Variants in ZFR2 observed in about 807,000 individuals in gnomAD.
ZFR2 encodes the protein zinc finger RNA-binding protein 2.
In ZFR2, 104 loss-of-function variants were observed where a neutral mutation model predicts 105.7. That is an observed-to-expected ratio of 0.98 (90% confidence interval 0.84 to 1.16). The LOEUF (loss-of-function observed/expected upper bound fraction) is 1.16, where lower values mean the gene tolerates loss of function less well. ZFR2 is among the 50% of genes most tolerant of loss of function. The pLI is 0.00. For missense variants in ZFR2, 1,425 were observed against 1,355.5 expected, an observed-to-expected ratio of 1.05 and a Z score of -0.80; for synonymous variants, 634 against 597.7, an observed-to-expected ratio of 1.06 and a Z score of -0.89.
At chr19:3,836,509 G>A (rs989996388) in intron 1 of ZFR2, among the ~76,000 whole-genome samples, 7 of 152,106 alleles carry the variant, frequency 4.6e-5, no homozygotes, top group African/African-American at 1.4e-4. Context: ...TTTGGTAGAG[G>A]TGGGGTCTCA....
chr19:3,821,561 G>A (rs1313547621), intron 9 of ZFR2, 82 bp from the exon 10 acceptor site: 2 of 1,358,718 alleles, frequency 1.5e-6, no homozygotes, highest in Non-Finnish European at 2.0e-6. Flanking sequence ...TGCAGGGAGA[G>A]GCCCAGAGAC....
At position 3,856,039 on chromosome 19, in the gene ZFR2, C is replaced by A. The variant is rs531112665; in HGVS notation, c.53+12926G>T. Among the ~76,000 whole-genome samples the A allele has an allele frequency of 1.5e-3, 226 of 152,266 alleles. 1 individual carries two copies. The highest frequency in any genetic ancestry group is 5.2e-3 in the African/African-American group (215 of 41,542). ...GCGCGGATGGAAATGGGGGCGAGAG[C>A]AGAAGGAAGCGTGAAGGTCCAAAAT... On this transcript the variant is annotated intron_variant, in intron 1 of 18. Transcript: ENST00000262961.
chr19:3,827,510 G>C lies in ZFR2; in HGVS notation c.996C>G (p.Asp332Glu). The C allele has an allele frequency of 6.4e-7, 1 of 1,556,142 alleles. No individual in the cohort carries two copies. Among genetic ancestry groups the C allele is most frequent in the Admixed American group, 1.9e-5 (1 of 51,986 alleles). Residue 332 changes from aspartate to glutamate, a missense_variant, in exon 6 of 19, where the codon GAC becomes GAG. Asp to Glu is a conservative substitution (Grantham distance 45). Transcript: ENST00000262961. ...DLCAVSCTGA[D>E]AYAAHIRGSK... ...ATCCCCGGATGTGGGCCGCGTAGGC[G>C]TCCGCCCCGGTGCAGGACACGGCGC... is the stretch of plus-strand genomic sequence containing the variant.
chr19:3,835,467 A>G (rs934929893), intron 1 of ZFR2, among the ~76,000 whole-genome samples: 2 of 148,042 alleles, frequency 1.4e-5, no homozygotes, highest in African/African-American at 5.0e-5. Context: ...CTGGGACTAC[A>G]GGCGCCCACC....
At chr19:3,854,538 A>G (rs912025474) in intron 1 of ZFR2, among the ~76,000 whole-genome samples, 1 of 152,172 alleles carries the variant, frequency 6.6e-6, no homozygotes, top group East Asian at 1.9e-4. Context: ...CAAAACCAAA[A>G]GTCGATTATT....
Position 3,864,995 on chromosome 19 carries a change from C to A in ZFR2, c.53+3970G>T, listed in dbSNP as rs190702604. Among the ~76,000 whole-genome samples, 3 of 151,964 alleles carry A rather than the reference C, an allele frequency of 2.0e-5. No individual in the cohort carries two copies. In the East Asian group the frequency reaches 5.8e-4, roughly 29 times the overall value. On this transcript the variant is annotated intron_variant, in intron 1 of 18. Transcript: ENST00000262961. ...AACTCCTGACCTCAGGTGATCTACC[C>A]GCCTCGGCCTCCCAAAGTGCTGGGA...
Position 3,823,550 on chromosome 19 carries a change from C to A in ZFR2, c.1214-147G>T. ...CCTGTGATGTCAGGGGGAATGGCCC[C>A]GGACAGCAACCTCGCTCTCCCTTTC... On this transcript the variant is annotated intron_variant, in intron 7 of 18. Coordinates refer to ENST00000262961, the MANE Select transcript of ZFR2 (RefSeq NM_015174.2). The surrounding 1 kb of genome is among the most constrained non-coding windows in gnomAD (Gnocchi z 5.4). 1 of 801,452 alleles carries A rather than the reference C, an allele frequency of 1.2e-6. No individual in the cohort carries two copies. Among genetic ancestry groups the A allele is most frequent in the African/African-American group, 1.7e-5 (1 of 57,404 alleles). The allele number at this position is 801,452 out of a possible 1,614,324, so 49.6% of individuals were successfully genotyped here.
chr19:3,810,701 G>A (rs1326097997), intron 16 of ZFR2, 49 bp downstream of exon 16: 1 of 1,507,920 alleles, frequency 6.6e-7, no homozygotes, highest in Middle Eastern at 2.1e-4. Flanking sequence ...GGGCCATGGA[G>A]GCCCTTGGGG....
intron 17 of ZFR2, 123 bp from the exon 18 acceptor site, chr19:3,807,392 G>A (rs2037709106): frequency 4.4e-6 from 3 of 679,064 alleles, no homozygotes; most frequent in Middle Eastern, 3.6e-4. Context: ...ACTTGCAGCC[G>A]TGGCACCTCT....
At chr19:3,811,002 C>G (rs1376438289) in intron 15 of ZFR2, among the ~76,000 whole-genome samples, 157 bp from the exon 16 acceptor site, 1 of 152,226 alleles carries the variant, frequency 6.6e-6, no homozygotes, top group African/African-American at 2.4e-5. Context: ...CCCACATGAG[C>G]CCGGTGCCAC....
Position 3,827,519 on chromosome 19 carries a change from G to C in ZFR2, c.987C>G (p.Thr329=), listed in dbSNP as rs568093370. Residue 329 remains threonine (T), a synonymous_variant, in exon 6 of 19, where the codon ACC becomes ACG. Coordinates refer to ENST00000262961, the MANE Select transcript of ZFR2 (RefSeq NM_015174.2). ...LHCDLCAVSC[T]GADAYAAHIR... ...TGTGGGCCGCGTAGGCGTCCGCCCCGGTGCAGGACACGGCGCACAGGTCGC... is the reference window on the plus strand; with the variant it reads ...TGTGGGCCGCGTAGGCGTCCGCCCCCGTGCAGGACACGGCGCACAGGTCGC... The C allele has an allele frequency of 1.9e-6, 3 of 1,558,694 alleles. No homozygotes were observed. Among genetic ancestry groups the C allele is most frequent in the Non-Finnish European group, 2.6e-6 (3 of 1,152,126 alleles).
chr19:3,813,058 C>T lies in ZFR2; in HGVS notation c.2242+762G>A, dbSNP rs10402369. 9.0e-3 allele frequency among the ~76,000 whole-genome samples: 1,374 copies of T among 152,258 alleles called. 14 individuals carry two copies. Among genetic ancestry groups the T allele is most frequent in the African/African-American group, 0.031 (1,305 of 41,560 alleles). On this transcript the variant is annotated intron_variant, in intron 14 of 18. Coordinates refer to ENST00000262961, the MANE Select transcript of ZFR2 (RefSeq NM_015174.2). This position sits in a 1 kb window ranked among gnomAD's most constrained non-coding sequence, Gnocchi z 4.4. The stretch of plus-strand genomic sequence containing the variant: ...TTGCGCCATTGCACTCCAGCCTGGG[C>T]AACAGAGCGAGACTCTGTCTCAAAA...
intron 1 of ZFR2, among the ~76,000 whole-genome samples, chr19:3,842,364 T>C (rs2038141048): frequency 1.3e-5 from 2 of 152,056 alleles, no homozygotes; most frequent in African/African-American, 4.8e-5. Flanking sequence ...GAATTGCACA[T>C]TGATGTTTGG....
chr19:3,827,627 C>A lies in ZFR2; in HGVS notation c.879G>T (p.Gln293His). Residue 293 changes from glutamine (Q) to histidine (H), a missense_variant, in exon 6 of 19, where the codon CAG becomes CAT. Transcript: ENST00000262961. Reference sequence around the variant, plus strand: ...GGGCCGCCTCCTTCTTTCTGTGCTTCTGCCCTCCCAGATGTTCCCGGTAGG... The same window carrying A: ...GGGCCGCCTCCTTCTTTCTGTGCTTATGCCCTCCCAGATGTTCCCGGTAGG... ...PQTYREHLGG[Q>H]KHRKKEAAQK... 6.3e-7 allele frequency: 1 copy of A among 1,584,218 alleles called. No homozygotes were observed. Among genetic ancestry groups the A allele is most frequent in the Non-Finnish European group, 8.6e-7 (1 of 1,165,722 alleles).
rs1192690243 is a variant in ZFR2 at position 3,834,840 on chromosome 19, T to C, written c.197A>G (p.Gln66Arg). 1 of 1,612,172 alleles carries C rather than the reference T, an allele frequency of 6.2e-7. No individual in the cohort carries two copies. The highest frequency in any genetic ancestry group is 8.5e-7 in the Non-Finnish European group (1 of 1,179,414). Residue 66 changes from glutamine (Q) to arginine (R), a missense_variant, in exon 2 of 19, where the codon CAG becomes CGG. Coordinates refer to ENST00000262961, the MANE Select transcript of ZFR2 (RefSeq NM_015174.2). This position sits in a 1 kb window ranked among gnomAD's most constrained non-coding sequence, Gnocchi z 5.3. ...GGGTCGGCTGCCGTAGGCGAAGTCC[T>C]GGCCGGAGTGGGGCTGGTATCCACC... ...GYGGYQPHSG[Q>R]DFAYGSRPQE...
Position 3,810,972 on chromosome 19 carries a change from G to A in ZFR2, c.2338-127C>T, listed in dbSNP as rs1459845548. The A allele has an allele frequency of 7.4e-6, 8 of 1,087,328 alleles. No homozygotes were observed. The South Asian group carries it at 8.0e-5, about 11-fold the overall frequency. 67.4% of individuals were successfully genotyped at this position (1,087,328 alleles called of 1,614,324 possible). On this transcript the variant is annotated intron_variant, in intron 15 of 18. Coordinates refer to ENST00000262961, the MANE Select transcript of ZFR2 (RefSeq NM_015174.2). ...GAGCCTGGCGGGCCTCGAAGGTGGC[G>A]GGTGGAAACAGAGTCCACTCCCACA...
intron 14 of ZFR2, among the ~76,000 whole-genome samples, 154 bp from the exon 15 acceptor site, chr19:3,811,520 T>A (rs556226121): frequency 6.7e-6 from 1 of 150,044 alleles, no homozygotes; most frequent in African/African-American, 2.5e-5. Flanking sequence ...AGTGGCATGA[T>A]CTTGGCTCAC....
chr19:3,822,897 G>A (rs2037910739), intron 8 of ZFR2, among the ~76,000 whole-genome samples: 1 of 152,202 alleles, frequency 6.6e-6, no homozygotes, highest in Admixed American at 6.5e-5. Context: ...GCAGGCCCAG[G>A]AAAGGGGCTA....
chr19:3,866,503 G>A (rs191627065), intron 1 of ZFR2, among the ~76,000 whole-genome samples: 2 of 131,044 alleles, frequency 1.5e-5, no homozygotes, highest in African/African-American at 5.1e-5. Context: ...AGGTAGCTGT[G>A]CTAAAATGTA....
Sources: allele counts gnomAD v4.1 joint callset (sites outside exome capture counted in the v4.1 genomes callset), GRCh38; gene constraint gnomAD v4.1.1; non-coding constraint Gnocchi (gnomAD v3.1); transcripts MANE v1.5; gene names NCBI Gene and HGNC (gene_info 2026-07-23, HGNC 2026-07-21).